Variants in CRMP1 observed in about 807,000 individuals in gnomAD.
The protein encoded by CRMP1 is dihydropyrimidinase-related protein 1.
A neutral mutation model predicts 68.3 loss-of-function variants in CRMP1; 19 were observed. That is an observed-to-expected ratio of 0.28 (90% CI 0.19 to 0.41). CRMP1 has a LOEUF of 0.41. CRMP1 is among the 10% of genes least tolerant of loss of function. CRMP1 has a pLI of 1.00. For synonymous variants in CRMP1, 439 were observed against 399.6 expected, an observed-to-expected ratio of 1.10 and a Z score of -1.18; for missense variants, 791 against 967.4, an observed-to-expected ratio of 0.82 and a Z score of 2.42.
At position 5,892,521 on chromosome 4, in the gene CRMP1, GC is replaced by G; in HGVS notation, c.381+67del. The G allele has an allele frequency of 9.5e-6, 11 of 1,152,362 alleles. No individual in the cohort carries two copies. Among genetic ancestry groups the G allele is most frequent in the Non-Finnish European group, 9.6e-6 (9 of 936,518 alleles). 71.4% of individuals were successfully genotyped at this position (1,152,362 alleles called of 1,614,324 possible). On this transcript the variant is annotated intron_variant, in intron 1 of 13. Coordinates refer to ENST00000324989, the MANE Select transcript of CRMP1 (RefSeq NM_001014809.3). This position sits in a 1 kb window ranked among gnomAD's most constrained non-coding sequence, Gnocchi z 8.6. ...ACCGGGGCCCGGGCATGGCCCTCGG[GC>G]GCCCCATGCCCTGGGTCCTCCCGGG...
At chr4:5,835,048 C>T (rs1720644156) in intron 11 of CRMP1, among the ~76,000 whole-genome samples, 1 of 144,008 alleles carries the variant, frequency 6.9e-6, no homozygotes, top group Non-Finnish European at 1.5e-5. Flanking sequence ...CTGTGGTCTC[C>T]TTCTCCAGTA....
In CRMP1 at chr4:5,888,638, C is replaced by T. The variant is rs1248897798; in HGVS notation, c.381+3951G>A. ...ATCTCCCACCCCGCCCCCCGCCCCCCACCCGCCCAGCCCCGCCGACCCCCG... is the reference window on the plus strand; with the variant it reads ...ATCTCCCACCCCGCCCCCCGCCCCCTACCCGCCCAGCCCCGCCGACCCCCG... On this transcript the variant is annotated intron_variant, in intron 1 of 13. Transcript: ENST00000324989. This position sits in a 1 kb window ranked among gnomAD's most constrained non-coding sequence, Gnocchi z 6.4. 7.3e-6 allele frequency: 7 copies of T among 964,516 alleles called. No homozygotes were observed. Among genetic ancestry groups the T allele is most frequent in the Non-Finnish European group, 8.6e-6 (7 of 812,336 alleles). 59.7% of individuals were successfully genotyped at this position (964,516 alleles called of 1,614,324 possible). A position where few individuals can be genotyped will look rare whatever the true frequency, so the allele number is the denominator to read the frequency against.
rs1211110957 is a variant in CRMP1 at position 5,854,382 on chromosome 4, C to T, written c.820+1761G>A. On this transcript the variant is annotated intron_variant, in intron 4 of 13. Coordinates refer to ENST00000324989, the MANE Select transcript of CRMP1 (RefSeq NM_001014809.3). The surrounding 1 kb of genome is among the most constrained non-coding windows in gnomAD (Gnocchi z 4.0). The stretch of plus-strand genomic sequence containing the variant: ...CTCCCAAGTAGCTGGGAGGCGTACA[C>T]CACCACTCCTGGCTATGTTTTTTTT... Among the ~76,000 whole-genome samples the T allele has an allele frequency of 6.7e-6, 1 of 149,448 alleles. No individual in the cohort carries two copies. The highest frequency in any genetic ancestry group is 1.5e-5 in the Non-Finnish European group (1 of 67,486).
chr4:5,876,747 C>A (rs1278509316), intron 1 of CRMP1, among the ~76,000 whole-genome samples: 1 of 151,500 alleles, frequency 6.6e-6, no homozygotes, highest in Non-Finnish European at 1.5e-5. Context: ...CCCCCACCAC[C>A]CCCCTTCTGA....
At chr4:5,864,230 C>G (rs1356313634) in intron 2 of CRMP1, among the ~76,000 whole-genome samples, 2 of 152,040 alleles carry the variant, frequency 1.3e-5, no homozygotes, top group Non-Finnish European at 2.9e-5. Flanking sequence ...TGGGTGTGGT[C>G]AGATCAAACT....
In CRMP1 at chr4:5,866,972, T is replaced by G. The variant is rs1477987961; in HGVS notation, c.382-216A>C. ...CCCTCTCACTTTGTTTTGTTTTTGC[T>G]GAGGTGTTTTAAAACAAAGCACAAG... On this transcript the variant is annotated intron_variant, in intron 1 of 13. Coordinates refer to ENST00000324989, the MANE Select transcript of CRMP1 (RefSeq NM_001014809.3). This position sits in a 1 kb window ranked among gnomAD's most constrained non-coding sequence, Gnocchi z 5.9. Among the ~76,000 whole-genome samples, 1 of 152,246 alleles carries G rather than the reference T, an allele frequency of 6.6e-6. No homozygotes were observed. The highest frequency in any genetic ancestry group is 2.4e-5 in the African/African-American group (1 of 41,468).
At chr4:5,869,792 T>C (rs540702424) in intron 1 of CRMP1, among the ~76,000 whole-genome samples, 1 of 151,870 alleles carries the variant, frequency 6.6e-6, no homozygotes, top group South Asian at 2.1e-4. Context: ...AGGCAGGTGG[T>C]ACATCTGGGA....
chr4:5,876,835 C>A (rs935171398), intron 1 of CRMP1, among the ~76,000 whole-genome samples: 2 of 151,174 alleles, frequency 1.3e-5, no homozygotes, highest in African/African-American at 4.9e-5. Flanking sequence ...CCCATCGGGG[C>A]TTTTATCAAG....
At chr4:5,830,121 C>T (rs1352865669) in intron 11 of CRMP1, among the ~76,000 whole-genome samples, 2 of 152,156 alleles carry the variant, frequency 1.3e-5, no homozygotes, top group African/African-American at 4.8e-5. Context: ...TTTAAATCAA[C>T]ACATGCCATT....
chr4:5,829,282 G>A (rs980812852), intron 11 of CRMP1, among the ~76,000 whole-genome samples: 5 of 152,076 alleles, frequency 3.3e-5, no homozygotes, highest in African/African-American at 7.2e-5. Flanking sequence ...CCAACTACTC[G>A]GGAGGCTGAG....
At position 5,892,992 on chromosome 4, in the gene CRMP1, A is replaced by C. The variant is rs2152478489; in HGVS notation, c.-23T>G. The C allele has an allele frequency of 8.6e-7, 1 of 1,156,558 alleles. No homozygotes were observed. Among genetic ancestry groups the C allele is most frequent in the Non-Finnish European group, 1.1e-6 (1 of 939,748 alleles). 71.6% of individuals were successfully genotyped at this position (1,156,558 alleles called of 1,614,324 possible). On this transcript the variant is annotated 5_prime_UTR_variant, in exon 1 of 14. Transcript: ENST00000324989. The surrounding 1 kb of genome is among the most constrained non-coding windows in gnomAD (Gnocchi z 8.6). ...CATACCCGTCCAAGGCCGGCCACCC[A>C]CCGCGCTCCCGCCTGCCCGCCCGCG... is the stretch of plus-strand genomic sequence containing the variant.
intron 1 of CRMP1, among the ~76,000 whole-genome samples, chr4:5,884,611 G>A (rs546969671): frequency 5.9e-5 from 9 of 152,088 alleles, no homozygotes; most frequent in Non-Finnish European, 1.3e-4. Context: ...ATCTCTCTGA[G>A]CCTCAGTTTA....
At chr4:5,847,879 T>C (rs919873829) in intron 6 of CRMP1, among the ~76,000 whole-genome samples, 1 of 152,228 alleles carries the variant, frequency 6.6e-6, no homozygotes, top group African/African-American at 2.4e-5. Flanking sequence ...CTTTGCATCA[T>C]GTCTGGCATT....
chr4:5,839,687 G>C lies in CRMP1; in HGVS notation c.1154-9C>G, dbSNP rs1186300155. 1 of 1,564,322 alleles carries C rather than the reference G, an allele frequency of 6.4e-7. No individual in the cohort carries two copies. Among genetic ancestry groups the C allele is most frequent in the Admixed American group, 1.8e-5 (1 of 56,804 alleles). ...TCCAAAAACTAGGGGCCCTTAGGAGGGGAAAACATAAGCCTGGTTAAAAGC... is the reference window on the plus strand; with the variant it reads ...TCCAAAAACTAGGGGCCCTTAGGAGCGGAAAACATAAGCCTGGTTAAAAGC... On this transcript the variant is annotated splice_polypyrimidine_tract_variant and intron_variant, in intron 8 of 13. Coordinates refer to ENST00000324989, the MANE Select transcript of CRMP1 (RefSeq NM_001014809.3).
chr4:5,827,734 C>CACACAG (rs1491127968), intron 12 of CRMP1, among the ~76,000 whole-genome samples: 1 of 101,690 alleles, frequency 9.8e-6, no homozygotes, highest in African/African-American at 1.1e-4. Flanking sequence ...TGTGCGCGTG[C>CACACAG]ACACACACAC....
In CRMP1 at chr4:5,828,667, G is replaced by A. The variant is rs768870212; in HGVS notation, c.1625C>T (p.Ala542Val). Residue 542 changes from alanine to valine, a missense_variant and splice_region_variant, in exon 12 of 14, where the codon GCG (alanine) becomes GTG (valine). Around this residue, in one of 3 missense-constraint regions of CRMP1, gnomAD observed 594 missense variants for 763.6 expected, o/e 0.78. Coordinates refer to ENST00000324989, the MANE Select transcript of CRMP1 (RefSeq NM_001014809.3). ...KTITAKSHKS[A>V]VEYNIFEGME... ...ACCCTCGAAGATGTTGTACTCCACC[G>A]CCTGCACCAACAGCCTCAGTGTTAC... is the stretch of plus-strand genomic sequence containing the variant. 3.5e-5 allele frequency: 56 copies of A among 1,613,058 alleles called. No homozygotes were observed. The highest frequency in any genetic ancestry group is 1.6e-4 in the Middle Eastern group (1 of 6,084).
rs1720019957 is a variant in CRMP1, at chr4:5,828,386, G to T, written c.1803+103C>A. ...AGATAAGGAAACGGAGGTTCCCAGG[G>T]CGATGACATTATTAACTCTGCACAC... On this transcript the variant is annotated intron_variant, in intron 12 of 13. Transcript: ENST00000324989. The T allele has an allele frequency of 4.8e-6, 7 of 1,468,752 alleles. 1 individual carries two copies. Among genetic ancestry groups the T allele is most frequent in the Non-Finnish European group, 6.3e-6 (7 of 1,110,648 alleles). 91.0% of individuals were successfully genotyped at this position (1,468,752 alleles called of 1,614,324 possible).
intron 6 of CRMP1, among the ~76,000 whole-genome samples, chr4:5,847,312 T>C (rs1712295304): frequency 1.3e-5 from 2 of 152,162 alleles, no homozygotes; most frequent in South Asian, 4.1e-4. Context: ...GATGATGAGA[T>C]TCCAGACTGT....
intron 11 of CRMP1, among the ~76,000 whole-genome samples, chr4:5,833,416 T>G (rs1455228077): frequency 1.2e-5 from 1 of 86,732 alleles, no homozygotes; most frequent in Non-Finnish European, 2.5e-5. Context: ...TCCGCCCGCC[T>G]CGGCCTCCCA....
Sources: allele counts gnomAD v4.1 joint callset (sites outside exome capture counted in the v4.1 genomes callset), GRCh38; gene constraint gnomAD v4.1.1; regional missense constraint gnomAD v4.1.1; non-coding constraint Gnocchi (gnomAD v3.1); transcripts MANE v1.5; gene names NCBI Gene and HGNC (gene_info 2026-07-23, HGNC 2026-07-21).